ARHGAP5: variants seen among roughly 807,000 people sequenced by gnomAD.
ARHGAP5 encodes rho GTPase-activating protein 5.
ARHGAP5 carries 23 observed loss-of-function variants against 116.6 expected under a neutral mutation model. The ratio of observed to expected loss-of-function variants is 0.20; its 90% CI spans 0.14 to 0.28. The LOEUF (loss-of-function observed/expected upper bound fraction) is 0.28. Among genes scored for constraint, ARHGAP5 ranks in the 10% least tolerant of loss-of-function variants. The pLI is 1.00. For synonymous variants in ARHGAP5, 574 were observed against 602.0 expected (o/e 0.95, Z 0.68); for missense variants, 1,405 against 1,774.8 (o/e 0.79, Z 3.74).
chr14:32,113,209 T>A (rs1187588435), intron 2 of ARHGAP5, among the ~76,000 whole-genome samples: 2 of 152,220 alleles, frequency 1.3e-5, no homozygotes, highest in Non-Finnish European at 2.9e-5. Context: ...AAGAGCACCT[T>A]GAAGCGTAAA....
intron 2 of ARHGAP5, among the ~76,000 whole-genome samples, chr14:32,105,477 GT>G (rs983630412): frequency 3.1e-4 from 45 of 145,932 alleles, no homozygotes; most frequent in Non-Finnish European, 2.1e-4. Flanking sequence ...ATATGCTATT[GT>G]TTTTTTTTTT....
At chr14:32,099,131 A>G (rs543805915) in intron 2 of ARHGAP5, among the ~76,000 whole-genome samples, 7 of 152,266 alleles carry the variant, frequency 4.6e-5, no homozygotes, top group African/African-American at 9.6e-5. Context: ...AGGATAATGA[A>G]TGAGATGGGA....
At position 32,143,202 on chromosome 14, in the gene ARHGAP5, AGTTGTTGTT is replaced by A. The variant is rs140378018; in HGVS notation, c.3866-3030_3866-3022del. Among the ~76,000 whole-genome samples, 1,392 of 145,418 alleles carry A rather than the reference AGTTGTTGTT, an allele frequency of 9.6e-3. 16 individuals are homozygous for A. The highest frequency in any genetic ancestry group is 0.024 in the African/African-American group (942 of 39,302). ...CTCAATTAAAAGGCAACATTATTTT[AGTTGTTGTT>A]GTTGTTGTTGTTGTTGTTGTTGTTG... On this transcript the variant is annotated intron_variant, in intron 3 of 6. Transcript: ENST00000345122.
intron 2 of ARHGAP5, among the ~76,000 whole-genome samples, chr14:32,097,546 T>A (rs192029128): frequency 1.3e-5 from 2 of 152,228 alleles, no homozygotes; most frequent in Admixed American, 6.5e-5. Context: ...AGGAAATACA[T>A]TCCCTTTTTA....
chr14:32,080,261 A>G (rs1024940660), intron 1 of ARHGAP5, among the ~76,000 whole-genome samples: 2 of 151,310 alleles, frequency 1.3e-5, no homozygotes, highest in Non-Finnish European at 3.0e-5. Context: ...GACAGCTTCT[A>G]TTTTCATGTA....
chr14:32,105,640 G>A (rs1441601267), intron 2 of ARHGAP5, among the ~76,000 whole-genome samples: 2 of 152,126 alleles, frequency 1.3e-5, no homozygotes, highest in African/African-American at 4.8e-5. Context: ...GTACTAATTT[G>A]TACATGTGTA....
At position 32,114,272 on chromosome 14, in the gene ARHGAP5, C is replaced by T. The variant is rs137938029; in HGVS notation, c.3718-2868C>T. Among the ~76,000 whole-genome samples the T allele has an allele frequency of 1.7e-3, 264 of 152,118 alleles. 1 individual carries two copies. The highest frequency in any genetic ancestry group is 6.1e-3 in the African/African-American group (253 of 41,492). ...CCAAGTGTAATCTCTTTTACCACTGCATTTATCTCCAAACAGAAAACATCT... is the reference window on the plus strand; with the variant it reads ...CCAAGTGTAATCTCTTTTACCACTGTATTTATCTCCAAACAGAAAACATCT... On this transcript the variant is annotated intron_variant, in intron 2 of 6. Coordinates refer to ENST00000345122, the MANE Select transcript of ARHGAP5 (RefSeq NM_001030055.2).
At chr14:32,084,720 A>G (rs1374257809) in intron 1 of ARHGAP5, among the ~76,000 whole-genome samples, 1 of 152,242 alleles carries the variant, frequency 6.6e-6, no homozygotes, top group African/African-American at 2.4e-5. Flanking sequence ...ATTCATAGGA[A>G]TAATGACTTT....
At chr14:32,096,141 GTT>G (rs540702897) in intron 2 of ARHGAP5, among the ~76,000 whole-genome samples, 1 of 143,512 alleles carries the variant, frequency 7.0e-6, no homozygotes. Flanking sequence ...CTATTGGTTT[GTT>G]TTTTTTTTTA....
In ARHGAP5 at chr14:32,100,357, G is replaced by A. The variant is rs368966173; in HGVS notation, c.3717+5971G>A. On this transcript the variant is annotated intron_variant, in intron 2 of 6. Transcript: ENST00000345122. ...CAGGACTACAGGTATTAGCCACCAT[G>A]CCTAGCTAATTTTTTGTTGTCATAG... 7.2e-5 allele frequency among the ~76,000 whole-genome samples: 11 copies of A among 152,148 alleles called. No individual in the cohort carries two copies. The East Asian group carries it at 1.5e-3, about 21-fold the overall frequency.
chr14:32,115,014 T>C (rs897305652), intron 2 of ARHGAP5, among the ~76,000 whole-genome samples: 4 of 152,200 alleles, frequency 2.6e-5, no homozygotes, highest in African/African-American at 9.6e-5. Flanking sequence ...TAAAAATTTG[T>C]GGATTAAACT....
At chr14:32,117,649 T>G (rs1352593717) in intron 3 of ARHGAP5, among the ~76,000 whole-genome samples, 1 of 152,242 alleles carries the variant, frequency 6.6e-6, no homozygotes, top group Non-Finnish European at 1.5e-5. Context: ...CTGTTTACTT[T>G]CATTACCCAT....
chr14:32,135,355 A>T (rs1880734108), intron 3 of ARHGAP5, among the ~76,000 whole-genome samples: 1 of 152,062 alleles, frequency 6.6e-6, no homozygotes, highest in South Asian at 2.1e-4. Flanking sequence ...TTCTCTTTTC[A>T]TTTCTCTTCT....
In ARHGAP5 at chr14:32,154,869, T is replaced by G. The variant is rs139158293; in HGVS notation, c.4430T>G (p.Val1477Gly). The change falls in exon 7 of 7, where the codon GTG (valine) becomes GGG (glycine). Residue 1477 changes from valine to glycine, a missense_variant. Around this residue, in one of 6 missense-constraint regions of ARHGAP5, gnomAD observed 85 missense variants for 96.6 expected, o/e 0.88. Transcript: ENST00000345122. ...SNPGQLVEPM[V>G]PLQLPPPLQP... The stretch of plus-strand genomic sequence containing the variant: ...CCAGGACAGTTGGTGGAACCAATGG[T>G]GCCACTTCAGTTGCCGCCACCATTG... 236 of 1,614,116 alleles carry G rather than the reference T, an allele frequency of 1.5e-4. No individual in the cohort carries two copies. The highest frequency in any genetic ancestry group is 2.0e-4 in the Admixed American group (12 of 60,006).
intron 3 of ARHGAP5, among the ~76,000 whole-genome samples, chr14:32,138,880 A>C (rs1160792567): frequency 6.6e-6 from 1 of 152,156 alleles, no homozygotes; most frequent in East Asian, 1.9e-4. Context: ...ATAACCTTCT[A>C]TTCCTAGCTT....
At chr14:32,127,775 G>C (rs112482513) in intron 3 of ARHGAP5, among the ~76,000 whole-genome samples, 5,366 of 144,732 alleles carry the variant, frequency 0.037, 314 homozygotes, top group African/African-American at 0.13. Context: ...CCCCACCCCC[G>C]AGACAGGGCG....
At chr14:32,122,818 G>C (rs531198159) in intron 3 of ARHGAP5, among the ~76,000 whole-genome samples, 1 of 152,284 alleles carries the variant, frequency 6.6e-6, no homozygotes, top group African/African-American at 2.4e-5. Context: ...GACCATAAAT[G>C]TGAAGGTTTA....
intron 1 of ARHGAP5, among the ~76,000 whole-genome samples, chr14:32,083,258 G>A (rs1427885472): frequency 6.6e-6 from 1 of 152,236 alleles, no homozygotes; most frequent in Non-Finnish European, 1.5e-5. Flanking sequence ...TGAAATGGTT[G>A]GGGGGCAAAT....
In ARHGAP5 at chr14:32,126,998, CT is replaced by C. The variant is rs772990418; in HGVS notation, c.3865+9728del. On this transcript the variant is annotated intron_variant, in intron 3 of 6. Coordinates refer to ENST00000345122, the MANE Select transcript of ARHGAP5 (RefSeq NM_001030055.2). ...AAAAAAAAATCAGGAAATATGATAT[CT>C]TTTTTTTTTTTTTTTTGAGGTAGAG... Among the ~76,000 whole-genome samples, 1,163 of 134,448 alleles carry C rather than the reference CT, an allele frequency of 8.7e-3. 5 individuals carry two copies. Among genetic ancestry groups the C allele is most frequent in the African/African-American group, 0.02 (726 of 36,612 alleles). 88.2% of individuals were successfully genotyped at this position (134,448 alleles called of 152,430 possible).
Sources: gnomAD v4.1 joint callset for allele counts (sites outside exome capture counted in the v4.1 genomes callset) on GRCh38, gnomAD v4.1.1 for gene constraint, gnomAD v4.1.1 regional missense constraint, MANE v1.5 for transcripts, NCBI Gene and HGNC (gene_info 2026-07-23, HGNC 2026-07-21) for gene names.